FAM170A: variants seen among roughly 807,000 people sequenced by gnomAD.
FAM170A encodes protein FAM170A.
Under a neutral mutation model 36.6 loss-of-function variants are expected in FAM170A, and 28 were observed. That is an observed-to-expected ratio of 0.76 (90% confidence interval 0.57 to 1.05). FAM170A has a LOEUF of 1.05. Ranked by LOEUF, FAM170A falls within the 50% of genes least tolerant of loss-of-function variation. The pLI is 0.00. For missense variants in FAM170A, 434 were observed against 396.5 expected (o/e 1.09, Z -0.80); for synonymous variants, 156 against 143.9 (o/e 1.08, Z -0.60).
intron 2 of FAM170A, 39 bp downstream of exon 2, chr5:119,632,927 C>A: frequency 6.5e-7 from 1 of 1,534,466 alleles, no homozygotes; most frequent in Admixed American, 1.9e-5. Context: ...GGCTCCTTGG[C>A]TGTGGGGTTC....
intron 1 of FAM170A, among the ~76,000 whole-genome samples, chr5:119,630,331 T>G (rs67518816): frequency 9.1e-4 from 71 of 77,628 alleles, no homozygotes; most frequent in South Asian, 4.1e-3. Context: ...ATTTTTTTTT[T>G]TTTTTTTTTT....
chr5:119,629,893 C>T lies in FAM170A; in HGVS notation c.70+55C>T, dbSNP rs1175661405. The T allele has an allele frequency of 2.9e-6, 4 of 1,395,366 alleles. No homozygotes were observed. The African/African-American group carries it at 4.3e-5, about 15-fold the overall frequency. 86.4% of individuals were successfully genotyped at this position (1,395,366 alleles called of 1,614,324 possible). ...AAGCGTCACTGGCCAGCCTGAGCCG[C>T]CTTCTTTTTCTTTTTTGAGACGGAG... is the stretch of plus-strand genomic sequence containing the variant. On this transcript the variant is annotated intron_variant, in intron 1 of 4. Coordinates refer to ENST00000613773, the Ensembl canonical transcript of FAM170A.
chr5:119,635,030 G>C lies in FAM170A; in HGVS notation c.987-1G>C, dbSNP rs1357586795. ...TCTTTGGTTTGATTTTCACACAGCA[G>C]CTGAGACTTATGGGCCAGAAGATAC... On this transcript the variant is annotated splice_acceptor_variant, in intron 3 of 4. Transcript: ENST00000613773. LOFTEE classifies it high-confidence loss of function. The C allele has an allele frequency of 1.9e-6, 3 of 1,614,168 alleles. No homozygotes were observed. In the East Asian group the frequency reaches 6.7e-5, roughly 36 times the overall value.
intron 1 of FAM170A, among the ~76,000 whole-genome samples, chr5:119,632,054 C>A (rs1374373081): frequency 6.6e-6 from 1 of 152,170 alleles, no homozygotes; most frequent in South Asian, 2.1e-4. Context: ...TTGCACGGGA[C>A]ATACTTACGC....
At chr5:119,634,516 C>T (rs1163919211) in exon 3 of FAM170A, 2 of 1,613,646 alleles carry the variant, frequency 1.2e-6, no homozygotes, top group East Asian at 4.5e-5. Context: ...AGGGCTTCAG[C>T]TGCCACGTCT....
intron 3 of FAM170A, 70 bp downstream of exon 3, chr5:119,634,804 G>A: frequency 1.4e-6 from 2 of 1,456,654 alleles, no homozygotes; most frequent in Non-Finnish European, 9.3e-7. Flanking sequence ...TGTCTCCCCA[G>A]TTCAGGCTTA....
At chr5:119,634,276 G>A (rs757117030) in exon 3 of FAM170A, 34 of 1,614,084 alleles carry the variant, frequency 2.1e-5, no homozygotes, top group Non-Finnish European at 1.3e-5. Flanking sequence ...CCTCTGATGT[G>A]TCCACCAGAA....
At chr5:119,635,062 A>T in exon 4 of FAM170A, 1 of 1,613,808 alleles carries the variant, frequency 6.2e-7, no homozygotes, top group South Asian at 1.1e-5. Flanking sequence ...ATACTGGAAG[A>T]TGGTGTGGCC....
At chr5:119,633,795 A>G (rs940318102) in intron 2 of FAM170A, among the ~76,000 whole-genome samples, 165 bp from the exon 3 acceptor site, 4 of 152,150 alleles carry the variant, frequency 2.6e-5, no homozygotes, top group African/African-American at 7.2e-5. Flanking sequence ...CACGCAAATG[A>G]CACTAGAATC....
rs555065080 is a variant in FAM170A at position 119,635,165 on chromosome 5, G to A, written c.*52+79G>A. Reference sequence around the variant, plus strand: ...ATCCAAGGGAAGGAGCTGCAGGGATGCACTGGGTCACCTGGTGGCTCTGCA... The same window carrying A: ...ATCCAAGGGAAGGAGCTGCAGGGATACACTGGGTCACCTGGTGGCTCTGCA... On this transcript the variant is annotated intron_variant, in intron 4 of 4. Coordinates refer to ENST00000613773, the Ensembl canonical transcript of FAM170A. 40 of 1,003,404 alleles carry A rather than the reference G, an allele frequency of 4.0e-5. No homozygotes were observed. The African/African-American group carries it at 4.9e-4, about 12-fold the overall frequency. 62.2% of individuals were successfully genotyped at this position (1,003,404 alleles called of 1,614,324 possible).
intron 2 of FAM170A, 99 bp from the exon 3 acceptor site, chr5:119,633,861 C>T: frequency 1.4e-6 from 2 of 1,456,370 alleles, no homozygotes; most frequent in Non-Finnish European, 1.9e-6. Flanking sequence ...TGCATCTCAC[C>T]ACAGTCCCTG....
Position 119,634,410 on chromosome 5 carries a change from T to G in FAM170A, c.662T>G (p.Leu221Arg), listed in dbSNP as rs1203786456. 6 of 1,614,148 alleles carry G rather than the reference T, an allele frequency of 3.7e-6. No homozygotes were observed. The South Asian group carries it at 5.5e-5, about 15-fold the overall frequency. Residue 221 changes from leucine (L) to arginine (R), a missense_variant, in exon 3 of 5, where the codon CTG (leucine) becomes CGG (arginine). Transcript: ENST00000613773. ...CCCAGAGCCAAGACTCCTGACTGGC[T>G]GGTGACCATGGAGAACGGCTTCAGG...
At chr5:119,631,644 A>G (rs1348271016) in intron 1 of FAM170A, among the ~76,000 whole-genome samples, 1 of 152,158 alleles carries the variant, frequency 6.6e-6, no homozygotes, top group Non-Finnish European at 1.5e-5. Flanking sequence ...ATATAGTTAT[A>G]TACACATACC....
intron 2 of FAM170A, 99 bp from the exon 3 acceptor site, chr5:119,633,861 C>A: frequency 6.9e-7 from 1 of 1,456,370 alleles, no homozygotes; most frequent in Non-Finnish European, 9.3e-7. Context: ...TGCATCTCAC[C>A]ACAGTCCCTG....
intron 1 of FAM170A, among the ~76,000 whole-genome samples, chr5:119,631,701 T>G (rs951594887): frequency 2.6e-5 from 4 of 152,114 alleles, no homozygotes; most frequent in Non-Finnish European, 5.9e-5. Flanking sequence ...GACAGTCTTT[T>G]CTTCCTACAG....
At chr5:119,633,615 C>T (rs1028383009) in intron 2 of FAM170A, among the ~76,000 whole-genome samples, 4 of 152,062 alleles carry the variant, frequency 2.6e-5, no homozygotes, top group Non-Finnish European at 4.4e-5. Context: ...AATGCATGAC[C>T]TGCAGTGCCA....
At chr5:119,635,228 G>A (rs115878641) in intron 4 of FAM170A, 142 bp downstream of exon 4, 2 of 616,702 alleles carry the variant, frequency 3.2e-6, no homozygotes, top group African/African-American at 1.8e-5. Flanking sequence ...GCTTCTGGGG[G>A]AATTGTCCTC....
chr5:119,635,225 G>A (rs988464), intron 4 of FAM170A, 139 bp downstream of exon 4: 273,880 of 618,362 alleles, frequency 0.44, 62,265 homozygotes, highest in East Asian at 0.56. Context: ...GGTGCTTCTG[G>A]GGGAATTGTC....
intron 2 of FAM170A, among the ~76,000 whole-genome samples, chr5:119,633,377 C>A (rs1422250474): frequency 6.6e-6 from 1 of 152,058 alleles, no homozygotes; most frequent in East Asian, 1.9e-4. Context: ...TGCAGTCAGG[C>A]AGTCAGGGAG....
Sources: gnomAD v4.1 joint callset for allele counts (sites outside exome capture counted in the v4.1 genomes callset) on GRCh38, gnomAD v4.1.1 for gene constraint, MANE v1.5 for transcripts, NCBI Gene and HGNC (gene_info 2026-07-23, HGNC 2026-07-21) for gene names.